TRAK1: variants seen among roughly 807,000 people sequenced by gnomAD.
The protein encoded by TRAK1 is trafficking kinesin-binding protein 1.
A neutral mutation model predicts 92.1 loss-of-function variants in TRAK1; 33 were observed. That is an observed-to-expected ratio of 0.36 (90% confidence interval 0.27 to 0.48). The LOEUF is 0.48. Among genes scored for constraint, TRAK1 ranks in the 20% least tolerant of loss-of-function variants. The pLI is 0.99. For synonymous variants in TRAK1, 521 were observed against 517.3 expected (o/e 1.01, Z -0.10); for missense variants, 1,123 against 1,257.9 (o/e 0.89, Z 1.62).
In TRAK1 at chr3:42,020,529, G is replaced by T. The variant is rs142902903; in HGVS notation, c.-519+6412G>T. Among the ~76,000 whole-genome samples, 669 of 152,260 alleles carry T rather than the reference G, an allele frequency of 4.4e-3. 4 individuals are homozygous for T. Among genetic ancestry groups the T allele is most frequent in the African/African-American group, 0.016 (646 of 41,552 alleles). On this transcript the variant is annotated intron_variant, in intron 1 of 16. Coordinates refer to the TRAK1 transcript ENST00000487159. ...GTATTCCATTTTATGGTTATATCAT[G>T]ATTTGTTCATACATTTACCTGTGGA...
intron 2 of TRAK1, among the ~76,000 whole-genome samples, chr3:42,125,915 A>G (rs1710498564): frequency 6.6e-6 from 1 of 151,462 alleles, no homozygotes. Context: ...CAATGGTGTG[A>G]TCTCGGCTCA....
intron 2 of TRAK1, among the ~76,000 whole-genome samples, chr3:42,163,492 T>C (rs1399397741): frequency 4.0e-5 from 6 of 150,924 alleles, no homozygotes; most frequent in Non-Finnish European, 5.9e-5. Context: ...TGCTTGAACC[T>C]GGGAGGCGGA....
upstream of TRAK1, among the ~76,000 whole-genome samples, chr3:42,088,524 C>A (rs1704807864): frequency 6.6e-6 from 1 of 152,200 alleles, no homozygotes; most frequent in South Asian, 2.1e-4. Context: ...ATGCTATGAT[C>A]TCCCTCTTCG....
intron 1 of TRAK1, among the ~76,000 whole-genome samples, chr3:42,025,470 A>G (rs1050880071): frequency 5.3e-5 from 8 of 152,226 alleles, no homozygotes; most frequent in Admixed American, 2.6e-4. Flanking sequence ...TTCAATGTCC[A>G]TAAGACCTGT....
At chr3:42,079,574 G>T (rs1362052708) in intron 1 of TRAK1, among the ~76,000 whole-genome samples, 3 of 149,886 alleles carry the variant, frequency 2.0e-5, no homozygotes, top group Non-Finnish European at 3.0e-5. Context: ...TCTGCCTTCG[G>T]GTTCAAGCAA....
intron 1 of TRAK1, among the ~76,000 whole-genome samples, chr3:42,115,130 C>T (rs1335586526): frequency 2.0e-5 from 3 of 152,164 alleles, no homozygotes; most frequent in Non-Finnish European, 4.4e-5. Context: ...TGAGTATTCT[C>T]CTGGAGATTT....
intron 14 of TRAK1, 58 bp downstream of exon 14, chr3:42,210,043 C>T (rs1708814051): frequency 5.0e-6 from 8 of 1,613,874 alleles, no homozygotes; most frequent in Admixed American, 1.7e-5. Context: ...CCGAGCCGGC[C>T]TCAGGCTTCC....
Position 42,202,591 on chromosome 3 carries a change from C to T in TRAK1, c.1583C>T (p.Ala528Val), listed in dbSNP as rs766547029. ...EEQERKLQELAEKGELRSGSL... is the reference protein window; with the variant it reads ...EEQERKLQELVEKGELRSGSL... ...CAAGAGAGGAAGCTCCAGGAGCTGG[C>T]GGAGAAGGGCGAGCTGCGCAGCGGC... Residue 528 changes from alanine (A) to valine (V), a missense_variant, in exon 13 of 16, where the codon GCG (alanine) becomes GTG (valine). Physicochemically the swap from Ala to Val is moderately conservative, Grantham distance 64 (BLOSUM62 0). Around this residue, in one of 3 missense-constraint regions of TRAK1, gnomAD observed 686 missense variants for 747.6 expected, o/e 0.92. Coordinates refer to ENST00000327628, the MANE Select transcript of TRAK1 (RefSeq NM_001042646.3). This position sits in a 1 kb window ranked among gnomAD's most constrained non-coding sequence, Gnocchi z 6.1. 1.4e-5 allele frequency: 22 copies of T among 1,589,832 alleles called. No homozygotes were observed. Among genetic ancestry groups the T allele is most frequent in the East Asian group, 6.8e-5 (3 of 44,060 alleles).
At chr3:42,078,294 C>G (rs1251907350) in intron 1 of TRAK1, among the ~76,000 whole-genome samples, 1 of 152,138 alleles carries the variant, frequency 6.6e-6, no homozygotes, top group East Asian at 1.9e-4. Context: ...GTTATTCAGT[C>G]AAGCACGGAT....
chr3:42,136,756 C>T (rs944193516), intron 2 of TRAK1, among the ~76,000 whole-genome samples: 8 of 152,064 alleles, frequency 5.3e-5, no homozygotes, highest in South Asian at 4.1e-4. Context: ...GTTCTTGGCT[C>T]ACTGCAATCT....
intron 2 of TRAK1, among the ~76,000 whole-genome samples, chr3:42,154,204 G>T (rs1363610991): frequency 2.6e-5 from 4 of 151,926 alleles, no homozygotes; most frequent in African/African-American, 4.8e-5. Flanking sequence ...ATGGAGTCTT[G>T]CTGTGTCATC....
At chr3:42,076,975 G>T (rs927369082) in intron 1 of TRAK1, among the ~76,000 whole-genome samples, 1 of 152,150 alleles carries the variant, frequency 6.6e-6, no homozygotes, top group African/African-American at 2.4e-5. Context: ...TCTGTAACCT[G>T]TTCCATTGAT....
intron 1 of TRAK1, among the ~76,000 whole-genome samples, chr3:42,119,144 C>T (rs1490154208): frequency 2.6e-5 from 4 of 152,192 alleles, no homozygotes; most frequent in Non-Finnish European, 5.9e-5. Flanking sequence ...AGCCTTTTCT[C>T]TTGAGGGGCT....
chr3:42,223,587 C>T lies in TRAK1; in HGVS notation c.2712C>T (p.Ala904=), dbSNP rs1166052657. The change falls in exon 16 of 16, where the codon GCC becomes GCT. Residue 904 remains alanine (A), a synonymous_variant. Transcript: ENST00000327628. This position sits in a 1 kb window ranked among gnomAD's most constrained non-coding sequence, Gnocchi z 6.1. The part of the protein sequence containing the change: ...LPLRCPTVTS[A]IGGLQLNSGI... ...TCAGATGCCCCACTGTCACCAGTGC[C>T]ATCGGTGGGCTGCAGCTCAATAGTG... is the stretch of plus-strand genomic sequence containing the variant. 1 of 1,613,874 alleles carries T rather than the reference C, an allele frequency of 6.2e-7. No individual in the cohort carries two copies. Among genetic ancestry groups the T allele is most frequent in the Admixed American group, 1.7e-5 (1 of 60,002 alleles).
chr3:42,138,998 G>A (rs922312060), intron 2 of TRAK1, among the ~76,000 whole-genome samples: 1 of 151,510 alleles, frequency 6.6e-6, no homozygotes, highest in Non-Finnish European at 1.5e-5. Context: ...AGGCAGGGTT[G>A]AATGAAGGAA....
chr3:42,220,662 G>A lies in TRAK1; in HGVS notation c.2066+1066G>A, dbSNP rs913434438. 3.1e-5 allele frequency: 29 copies of A among 935,810 alleles called. No individual in the cohort carries two copies. The East Asian group carries it at 1.1e-3, about 34-fold the overall frequency. The allele number at this position is 935,810 out of a possible 1,614,324, so 58.0% of individuals were successfully genotyped here. A position where few individuals can be genotyped will look rare whatever the true frequency, so the allele number is the denominator to read the frequency against. ...AGGAGCTGTGTGTGCACGCGTGGCC[G>A]CCACTAACCCGGGGACTTAGGCTTG... is the stretch of plus-strand genomic sequence containing the variant. On this transcript the variant is annotated intron_variant, in intron 15 of 15. Transcript: ENST00000327628.
chr3:42,091,987 T>A (rs1705136390), intron 1 of TRAK1, among the ~76,000 whole-genome samples: 1 of 152,170 alleles, frequency 6.6e-6, no homozygotes, highest in Non-Finnish European at 1.5e-5. Flanking sequence ...TTATCCTGAT[T>A]TCTTAGATGC....
Position 42,202,509 on chromosome 3 carries a change from C to A in TRAK1, c.1501C>A (p.Arg501=). 1 of 1,525,614 alleles carries A rather than the reference C, an allele frequency of 6.6e-7. No homozygotes were observed. Among genetic ancestry groups the A allele is most frequent in the Non-Finnish European group, 8.8e-7 (1 of 1,131,026 alleles). The allele number at this position is 1,525,614 out of a possible 1,614,324, so 94.5% of individuals were successfully genotyped here. A position where few individuals can be genotyped will look rare whatever the true frequency, so the allele number is the denominator to read the frequency against. ...GSHDLETALR[R]LSLRRENYLS... ...CCACGACCTGGAGACGGCGCTGAGGCGGCTGTCCCTGCGCCGGGAGAACTA... is the reference window on the plus strand; with the variant it reads ...CCACGACCTGGAGACGGCGCTGAGGAGGCTGTCCCTGCGCCGGGAGAACTA... The change falls in exon 13 of 16, where the codon CGG becomes AGG. Residue 501 remains arginine, a synonymous_variant. Transcript: ENST00000327628. The surrounding 1 kb of genome is among the most constrained non-coding windows in gnomAD (Gnocchi z 6.1).
At chr3:42,098,863 G>A (rs1164958979) in intron 1 of TRAK1, among the ~76,000 whole-genome samples, 2 of 152,048 alleles carry the variant, frequency 1.3e-5, no homozygotes, top group East Asian at 1.9e-4. Context: ...TATGGGTGCC[G>A]TGAAAGTCCC....
Sources: allele counts gnomAD v4.1 joint callset (sites outside exome capture counted in the v4.1 genomes callset), GRCh38; gene constraint gnomAD v4.1.1; regional missense constraint gnomAD v4.1.1; non-coding constraint Gnocchi (gnomAD v3.1); transcripts MANE v1.5; gene names NCBI Gene and HGNC (gene_info 2026-07-23, HGNC 2026-07-21).